Variants in CCDC88A observed in about 807,000 individuals in gnomAD.
The protein encoded by CCDC88A is coiled-coil and HOOK domain protein 88A.
CCDC88A carries 54 observed loss-of-function variants against 234.3 expected under a neutral mutation model. The ratio of observed to expected loss-of-function variants is 0.23; its 90% CI spans 0.19 to 0.29. The LOEUF is 0.29. CCDC88A is among the 10% of genes least tolerant of loss of function. CCDC88A has a pLI of 1.00. For synonymous variants in CCDC88A, 753 were observed against 737.8 expected (o/e 1.02, Z -0.33); for missense variants, 1,832 against 2,123.4 (o/e 0.86, Z 2.70).
chr2:55,326,264 G>C (rs139977347), intron 17 of CCDC88A, among the ~76,000 whole-genome samples: 2 of 151,660 alleles, frequency 1.3e-5, no homozygotes, highest in African/African-American at 4.8e-5. Context: ...CGAACTTGCC[G>C]ACCTCAGCCT....
At position 55,344,006 on chromosome 2, in the gene CCDC88A, A is replaced by G. The variant is rs182134665; in HGVS notation, c.1189-214T>C. On this transcript the variant is annotated intron_variant, in intron 11 of 32. Transcript: ENST00000436346. ...TTTTAAGCTGATCTTTGGGGACACAATGAAAATTCTTCTTCATAGTCAACA... is the reference window on the plus strand; with the variant it reads ...TTTTAAGCTGATCTTTGGGGACACAGTGAAAATTCTTCTTCATAGTCAACA... The G allele has an allele frequency of 2.2e-3, 934 of 420,776 alleles. 11 individuals are homozygous for G. The highest frequency in any genetic ancestry group is 0.018 in the African/African-American group (865 of 48,976). The allele number at this position is 420,776 out of a possible 1,614,324, so 26.1% of individuals were successfully genotyped here. A position where few individuals can be genotyped will look rare whatever the true frequency, so the allele number is the denominator to read the frequency against.
intron 7 of CCDC88A, among the ~76,000 whole-genome samples, chr2:55,361,206 A>C (rs1671263437): frequency 6.6e-6 from 1 of 152,206 alleles, no homozygotes; most frequent in East Asian, 1.9e-4. Flanking sequence ...CTTGAAATAC[A>C]AATAAATAAA....
chr2:55,419,523 A>AATGGT lies in CCDC88A; in HGVS notation c.-445_-444insACCAT. On this transcript the variant is annotated 5_prime_UTR_variant, in exon 1 of 33. Coordinates refer to ENST00000436346, the MANE Select transcript of CCDC88A (RefSeq NM_001365480.1). ...ACCACGTTAAGGATACCGAGGCGCC[A>AATGGT]CCAGACTCGACCTCGGCGTTCCGAC... 1.5e-5 allele frequency: 2 copies of AATGGT among 133,764 alleles called. No homozygotes were observed. The highest frequency in any genetic ancestry group is 7.2e-5 in the Admixed American group (1 of 13,796). The allele number at this position is 133,764 out of a possible 1,614,324, so 8.3% of individuals were successfully genotyped here. A position where few individuals can be genotyped will look rare whatever the true frequency, so the allele number is the denominator to read the frequency against.
chr2:55,311,200 G>A (rs963253656), intron 23 of CCDC88A, among the ~76,000 whole-genome samples: 9 of 152,150 alleles, frequency 5.9e-5, no homozygotes, highest in Non-Finnish European at 8.8e-5. Flanking sequence ...GCCTTCTTTT[G>A]AAAGCAAGTA....
intron 16 of CCDC88A, chr2:55,329,478 G>A (rs1684668189): frequency 6.6e-6 from 1 of 152,162 alleles, no homozygotes; most frequent in Non-Finnish European, 1.5e-5. Flanking sequence ...ATCGGCTGGA[G>A]TCAACAAACA....
At chr2:55,375,466 G>T in intron 3 of CCDC88A, among the ~76,000 whole-genome samples, 1 of 120,398 alleles carries the variant, frequency 8.3e-6, no homozygotes, top group Non-Finnish European at 1.6e-5. Flanking sequence ...TACTGTCACT[G>T]TACTATATAT....
intron 2 of CCDC88A, among the ~76,000 whole-genome samples, chr2:55,393,300 T>TTA (rs1553432722): frequency 7.6e-6 from 1 of 131,404 alleles, no homozygotes; most frequent in East Asian, 2.1e-4. Context: ...TTTTTTTTTT[T>TTA]TTTTTTTTTT....
At chr2:55,378,777 G>A (rs578093747) in intron 3 of CCDC88A, among the ~76,000 whole-genome samples, 5 of 147,286 alleles carry the variant, frequency 3.4e-5, no homozygotes, top group African/African-American at 5.2e-5. Flanking sequence ...ACGGAGTCTC[G>A]CTCTGTCACC....
intron 2 of CCDC88A, among the ~76,000 whole-genome samples, chr2:55,412,772 A>G (rs980458980): frequency 1.3e-5 from 2 of 152,242 alleles, no homozygotes; most frequent in South Asian, 2.1e-4. Context: ...GACACTTTCT[A>G]TATGTTAAGC....
In CCDC88A at chr2:55,335,159, C is replaced by G. The variant is rs759101523; in HGVS notation, c.1662G>C (p.Lys554Asn). 20 of 1,469,638 alleles carry G rather than the reference C, an allele frequency of 1.4e-5. 1 individual carries two copies. The Admixed American group carries it at 1.7e-4, about 13-fold the overall frequency. 91.0% of individuals were successfully genotyped at this position (1,469,638 alleles called of 1,614,324 possible). Residue 554 changes from lysine to asparagine, a missense_variant, in exon 15 of 33, where the codon AAG (lysine) becomes AAC (asparagine). Physicochemically the swap from Lys to Asn is moderately conservative, Grantham distance 94 (BLOSUM62 0). Transcript: ENST00000436346. This position sits in a 1 kb window ranked among gnomAD's most constrained non-coding sequence, Gnocchi z 4.5. ...TLRENSERQI[K>N]ILEQENEHLN... ...GATGTTCATTTTCCTGTTCCAGTAT[C>G]TTAATCTAATTTGAAAAGAAAATAA...
intron 8 of CCDC88A, 106 bp from the exon 9 acceptor site, chr2:55,349,705 A>T (rs1432125727): frequency 2.9e-6 from 2 of 694,806 alleles, no homozygotes; most frequent in South Asian, 2.0e-5. Context: ...AGTTGGACAT[A>T]GTATTAGCCA....
intron 2 of CCDC88A, among the ~76,000 whole-genome samples, chr2:55,392,852 T>C (rs1237590251): frequency 6.9e-6 from 1 of 145,846 alleles, no homozygotes; most frequent in Non-Finnish European, 1.5e-5. Context: ...TGGAGTCTAT[T>C]CTGTCCCACT....
chr2:55,336,550 A>G, intron 14 of CCDC88A, 131 bp downstream of exon 14: 1 of 555,358 alleles, frequency 1.8e-6, no homozygotes. Flanking sequence ...AATTATAATT[A>G]CTTTAAAATA....
At chr2:55,321,667 C>A (rs1384070608) in intron 18 of CCDC88A, among the ~76,000 whole-genome samples, 1 of 152,096 alleles carries the variant, frequency 6.6e-6, no homozygotes, top group Non-Finnish European at 1.5e-5. Context: ...ACATATACAT[C>A]TGCTAAAATT....
At chr2:55,407,929 G>C (rs1181843629) in intron 2 of CCDC88A, among the ~76,000 whole-genome samples, 1 of 151,410 alleles carries the variant, frequency 6.6e-6, no homozygotes, top group African/African-American at 2.4e-5. Context: ...TGTTGGCTTG[G>C]CTGGTCTCGA....
intron 8 of CCDC88A, among the ~76,000 whole-genome samples, chr2:55,353,988 T>G (rs1303606539): frequency 6.6e-6 from 1 of 152,190 alleles, no homozygotes; most frequent in African/African-American, 2.4e-5. Context: ...CTAGGCTATA[T>G]GGTATAGCCT....
chr2:55,378,213 T>C (rs1490129239), intron 3 of CCDC88A, among the ~76,000 whole-genome samples: 1 of 152,208 alleles, frequency 6.6e-6, no homozygotes, highest in African/African-American at 2.4e-5. Context: ...TGTTTCCCCA[T>C]GCTCTACTGT....
In CCDC88A at chr2:55,309,879, T is replaced by TA. The variant is rs953318722; in HGVS notation, c.4080-626_4080-625insT. On this transcript the variant is annotated intron_variant, in intron 23 of 32. Transcript: ENST00000436346. This position sits in a 1 kb window ranked among gnomAD's most constrained non-coding sequence, Gnocchi z 5.1. Reference sequence around the variant, plus strand: ...ATAGGAGAGAAGATATATCCATAAATTAATATAATAACATATAATATTGTG... The same window carrying TA: ...ATAGGAGAGAAGATATATCCATAAATATAATATAATAACATATAATATTGTG... Among the ~76,000 whole-genome samples, 6 of 152,116 alleles carry TA rather than the reference T, an allele frequency of 3.9e-5. No individual in the cohort carries two copies. Among genetic ancestry groups the TA allele is most frequent in the African/African-American group, 9.7e-5 (4 of 41,436 alleles).
chr2:55,373,741 A>G (rs17046964), intron 4 of CCDC88A, among the ~76,000 whole-genome samples: 6,342 of 151,868 alleles, frequency 0.042, 426 homozygotes, highest in African/African-American at 0.14. Context: ...ATCCCATGGT[A>G]TCTCTAAAAA....
Sources: gnomAD v4.1 joint callset for allele counts (sites outside exome capture counted in the v4.1 genomes callset) on GRCh38, gnomAD v4.1.1 for gene constraint, Gnocchi (gnomAD v3.1) non-coding constraint, MANE v1.5 for transcripts, NCBI Gene and HGNC (gene_info 2026-07-23, HGNC 2026-07-21) for gene names.